HNRNPC: variants seen among roughly 807,000 people sequenced by gnomAD.
The protein encoded by HNRNPC is heterogeneous nuclear ribonucleoproteins C1/C2.
A neutral mutation model predicts 33.2 loss-of-function variants in HNRNPC; 3 were observed. That is an observed-to-expected ratio of 0.09 (90% CI 0.04 to 0.23). HNRNPC has a LOEUF of 0.23. Among genes scored for constraint, HNRNPC ranks in the 10% least tolerant of loss-of-function variants. HNRNPC has a pLI of 1.00. For synonymous variants in HNRNPC, 121 were observed against 126.7 expected, an observed-to-expected ratio of 0.96 and a Z score of 0.30; for missense variants, 143 against 366.7, an observed-to-expected ratio of 0.39 and a Z score of 4.98.
chr14:21,214,816 A>T (rs1224775167), intron 5 of HNRNPC, among the ~76,000 whole-genome samples: 1 of 152,228 alleles, frequency 6.6e-6, no homozygotes, highest in Non-Finnish European at 1.5e-5. Flanking sequence ...GAGAGATGGT[A>T]ACACTTGCAC....
chr14:21,234,839 C>T (rs1005069206), intron 2 of HNRNPC: 1 of 139,276 alleles, frequency 7.2e-6, no homozygotes, highest in Admixed American at 7.1e-5. Context: ...CACCTATTTC[C>T]AGATACTTCA....
intron 5 of HNRNPC, among the ~76,000 whole-genome samples, chr14:21,227,950 C>T (rs1166289586): frequency 5.9e-5 from 9 of 152,146 alleles, no homozygotes; most frequent in Non-Finnish European, 1.0e-4. Context: ...GAAACACAAC[C>T]ACGTCCTTAA....
rs1441893127 is a variant in HNRNPC at position 21,226,747 on chromosome 14, G to T, written c.365+3572C>A. On this transcript the variant is annotated intron_variant, in intron 5 of 8. Transcript: ENST00000553300. ...ATACAAAAATTAGTTGTGTGTGGTG[G>T]TGCACACCTGTAATCCCAGCTACCT... 1.3e-5 allele frequency among the ~76,000 whole-genome samples: 2 copies of T among 151,850 alleles called. 1 individual carries two copies. Among genetic ancestry groups the T allele is most frequent in the African/African-American group, 4.8e-5 (2 of 41,278 alleles).
intron 7 of HNRNPC, 47 bp from the exon 8 acceptor site, chr14:21,211,613 G>C (rs781496518): frequency 5.6e-5 from 87 of 1,567,010 alleles, no homozygotes; most frequent in Non-Finnish European, 7.1e-5. Context: ...AATGTCCACA[G>C]GACGTAGACA....
chr14:21,264,754 T>C (rs562556623), intron 1 of HNRNPC: 1 of 152,324 alleles, frequency 6.6e-6, no homozygotes, highest in South Asian at 2.1e-4. Context: ...TAAGGCCAAG[T>C]GTGGTGGCTC....
intron 1 of HNRNPC, 93 bp from the exon 2 acceptor site, chr14:21,263,429 A>G (rs1878519888): frequency 1.3e-5 from 2 of 152,380 alleles, no homozygotes; most frequent in Admixed American, 1.3e-4. Context: ...TTCTCTTTCC[A>G]AAAGCAGTTT....
chr14:21,231,824 T>C (rs962291171), intron 3 of HNRNPC, among the ~76,000 whole-genome samples: 2 of 152,150 alleles, frequency 1.3e-5, no homozygotes, highest in Non-Finnish European at 2.9e-5. Flanking sequence ...CTATCACTGG[T>C]TGCCTTTCCA....
intron 2 of HNRNPC, among the ~76,000 whole-genome samples, chr14:21,249,841 G>T (rs560482044): frequency 9.9e-5 from 15 of 152,148 alleles, no homozygotes; most frequent in African/African-American, 3.6e-4. Context: ...TTAAAGAAAG[G>T]TTCCAGAATC....
intron 2 of HNRNPC, among the ~76,000 whole-genome samples, chr14:21,239,246 G>A (rs751964613): frequency 2.6e-5 from 4 of 152,174 alleles, no homozygotes; most frequent in Non-Finnish European, 5.9e-5. Context: ...TTGGGAGGCC[G>A]AGGCAGGTGG....
At chr14:21,237,729 T>C (rs923639079) in intron 2 of HNRNPC, among the ~76,000 whole-genome samples, 3 of 152,196 alleles carry the variant, frequency 2.0e-5, no homozygotes, top group Non-Finnish European at 4.4e-5. Context: ...CCTTTTATAG[T>C]AGTACAATAG....
In HNRNPC at chr14:21,267,095, C is replaced by CAAAAAA. The variant is rs56203257; in HGVS notation, c.-63+2197_-63+2202dup. Among the ~76,000 whole-genome samples the CAAAAAA allele has an allele frequency of 2.7e-3, 282 of 104,026 alleles. 1 individual carries two copies. The highest frequency in any genetic ancestry group is 3.5e-3 in the Non-Finnish European group (172 of 49,584). 68.2% of individuals were successfully genotyped at this position (104,026 alleles called of 152,430 possible). On this transcript the variant is annotated intron_variant, in intron 1 of 8. Transcript: ENST00000553300. ...AGGGCGACAGAGCGAGACTCCGTCT[C>CAAAAAA]AAAAAAAAAAAAAAAAAAAAAAAAA...
At chr14:21,232,020 TG>T (rs1176006038) in intron 3 of HNRNPC, among the ~76,000 whole-genome samples, 1 of 152,210 alleles carries the variant, frequency 6.6e-6, no homozygotes, top group Non-Finnish European at 1.5e-5. Flanking sequence ...GGTTAACGAC[TG>T]CTTTCTGAAT....
At chr14:21,232,188 T>C (rs549763033) in intron 3 of HNRNPC, among the ~76,000 whole-genome samples, 17 of 152,134 alleles carry the variant, frequency 1.1e-4, no homozygotes, top group Non-Finnish European at 2.2e-4. Flanking sequence ...CTTCTCCTTG[T>C]TCTAAAAAGC....
intron 2 of HNRNPC, among the ~76,000 whole-genome samples, chr14:21,240,591 C>A (rs1895226982): frequency 1.3e-5 from 2 of 152,126 alleles, no homozygotes; most frequent in South Asian, 2.1e-4. Flanking sequence ...TGAATTTGAA[C>A]ATGGAGTCAA....
intron 5 of HNRNPC, among the ~76,000 whole-genome samples, chr14:21,216,510 C>T (rs952941645): frequency 3.3e-5 from 5 of 152,094 alleles, no homozygotes; most frequent in Non-Finnish European, 7.4e-5. Flanking sequence ...GACATGGAGA[C>T]GGGCCTGACC....
intron 2 of HNRNPC, among the ~76,000 whole-genome samples, chr14:21,244,333 A>G (rs1455251378): frequency 2.0e-5 from 3 of 152,226 alleles, no homozygotes; most frequent in Non-Finnish European, 2.9e-5. Flanking sequence ...TTTATAATCA[A>G]AATTGTTTCC....
rs1879554119 is a variant in HNRNPC, at chr14:21,269,278, C to G, written c.-63+20G>C. On this transcript the variant is annotated intron_variant, in intron 1 of 8. Transcript: ENST00000553300. ...CCCGAAAAACCCAGCGCCTTCCCTG[C>G]GTCCGCCCTCTCCACTTACCAAGAA... is the stretch of plus-strand genomic sequence containing the variant. 1.3e-5 allele frequency: 2 copies of G among 152,490 alleles called. No homozygotes were observed. Among genetic ancestry groups the G allele is most frequent in the South Asian group, 4.1e-4 (2 of 4,832 alleles). The allele number at this position is 152,490 out of a possible 1,614,324, so 9.4% of individuals were successfully genotyped here.
At chr14:21,268,829 T>C (rs1879455143) in intron 1 of HNRNPC, among the ~76,000 whole-genome samples, 2 of 152,174 alleles carry the variant, frequency 1.3e-5, no homozygotes, top group Non-Finnish European at 2.9e-5. Context: ...TGTTAAACCT[T>C]TCTCGTAGGC....
At chr14:21,247,734 G>A (rs1432893875) in intron 2 of HNRNPC, among the ~76,000 whole-genome samples, 2 of 151,606 alleles carry the variant, frequency 1.3e-5, no homozygotes, top group Non-Finnish European at 1.5e-5. Flanking sequence ...TGGAACACTT[G>A]AGGACAGGAG....
Sources: allele counts gnomAD v4.1 joint callset (sites outside exome capture counted in the v4.1 genomes callset), GRCh38; gene constraint gnomAD v4.1.1; transcripts MANE v1.5; gene names NCBI Gene and HGNC (gene_info 2026-07-23, HGNC 2026-07-21).